Variants in FRMD4A observed in about 807,000 individuals in gnomAD.
FRMD4A encodes the protein FERM domain-containing protein 4A.
FRMD4A carries 29 observed loss-of-function variants against 129.1 expected under a neutral mutation model. The observed-to-expected ratio is 0.22, with a 90% CI of 0.17 to 0.31. FRMD4A has a LOEUF of 0.31. Among genes scored for constraint, FRMD4A ranks in the 10% least tolerant of loss-of-function variants. The pLI is 1.00. For missense variants in FRMD4A, 1,272 were observed against 1,375.8 expected (o/e 0.92, Z 1.19); for synonymous variants, 634 against 571.6 (o/e 1.11, Z -1.56).
At chr10:14,030,434 GGAAAA>G (rs1221707606) in intron 2 of FRMD4A, among the ~76,000 whole-genome samples, 1 of 152,140 alleles carries the variant, frequency 6.6e-6, no homozygotes, top group Non-Finnish European at 1.5e-5. Flanking sequence ...CCATAAAGAT[GGAAAA>G]GAAAACTCTC....
intron 2 of FRMD4A, among the ~76,000 whole-genome samples, chr10:13,974,056 C>G (rs1301195668): frequency 7.8e-6 from 1 of 128,436 alleles, no homozygotes; most frequent in African/African-American, 2.9e-5. Flanking sequence ...GGGACAGAGT[C>G]TTGCTCAGTC....
At chr10:13,671,206 C>A (rs1034643203) in intron 16 of FRMD4A, among the ~76,000 whole-genome samples, 59 of 152,150 alleles carry the variant, frequency 3.9e-4, no homozygotes, top group African/African-American at 1.4e-3. Flanking sequence ...GTAATCCCAG[C>A]ACTTTGGGAA....
At chr10:14,300,974 G>T (rs1341596690) in intron 2 of FRMD4A, among the ~76,000 whole-genome samples, 2 of 152,112 alleles carry the variant, frequency 1.3e-5, no homozygotes, top group African/African-American at 4.8e-5. Context: ...TGGGAGCTTT[G>T]GGCCATGTTG....
Position 13,799,999 on chromosome 10 carries a change from G to A in FRMD4A, c.207-3411C>T, listed in dbSNP as rs111777583. On this transcript the variant is annotated intron_variant, in intron 4 of 24. Coordinates refer to ENST00000357447, the MANE Select transcript of FRMD4A (RefSeq NM_018027.5). ...TCGAGACCAGCCTGACCAACATGGT[G>A]AAACCCCATCTCTACTAAAAAAAAA... Among the ~76,000 whole-genome samples the A allele has an allele frequency of 6.2e-3, 906 of 146,782 alleles. 13 individuals are homozygous for A. Among genetic ancestry groups the A allele is most frequent in the African/African-American group, 0.021 (859 of 40,314 alleles).
At chr10:14,263,672 T>C (rs1190303941) in intron 2 of FRMD4A, among the ~76,000 whole-genome samples, 1 of 152,048 alleles carries the variant, frequency 6.6e-6, no homozygotes, top group Non-Finnish European at 1.5e-5. Flanking sequence ...ATCCCAGAGG[T>C]GGGCCCTCTA....
chr10:14,213,678 A>G (rs1378537391), intron 2 of FRMD4A, among the ~76,000 whole-genome samples: 1 of 152,160 alleles, frequency 6.6e-6, no homozygotes, highest in Non-Finnish European at 1.5e-5. Context: ...GTCTGTATAA[A>G]TCCCACCCTC....
chr10:14,008,480 C>T lies in FRMD4A; in HGVS notation c.46-149568G>A, dbSNP rs946338257. On this transcript the variant is annotated intron_variant, in intron 2 of 24. Transcript: ENST00000357447. ...CCGTGTCCCGCTTGTGGGCAAGTGACGCGTCTGGGGAGAGTGATCCAGAAA... is the reference window on the plus strand; with the variant it reads ...CCGTGTCCCGCTTGTGGGCAAGTGATGCGTCTGGGGAGAGTGATCCAGAAA... The T allele has an allele frequency of 4.0e-6, 4 of 997,500 alleles. No individual in the cohort carries two copies. In the African/African-American group the frequency reaches 6.9e-5, roughly 17 times the overall value. 61.8% of individuals were successfully genotyped at this position (997,500 alleles called of 1,614,324 possible). A position where few individuals can be genotyped will look rare whatever the true frequency, so the allele number is the denominator to read the frequency against.
At chr10:14,109,238 A>C (rs1231313596) in intron 2 of FRMD4A, among the ~76,000 whole-genome samples, 1 of 151,270 alleles carries the variant, frequency 6.6e-6, no homozygotes, top group Non-Finnish European at 1.5e-5. Flanking sequence ...CCTCCAAAGA[A>C]GCTTCTCAGA....
At chr10:13,745,263 C>G (rs1029833334) in intron 9 of FRMD4A, among the ~76,000 whole-genome samples, 1 of 152,164 alleles carries the variant, frequency 6.6e-6, no homozygotes, top group African/African-American at 2.4e-5. Flanking sequence ...AAGTAGCCAA[C>G]CACAGTGAAA....
rs1010258859 is a variant in FRMD4A at position 13,738,957 on chromosome 10, C to T, written c.673-1027G>A. ...TAACAGAGACCTCTTGTCACCTGAG[C>T]GTAAGTTGCAATTCTATATTCAAAT... On this transcript the variant is annotated intron_variant, in intron 11 of 24. Coordinates refer to ENST00000357447, the MANE Select transcript of FRMD4A (RefSeq NM_018027.5). Among the ~76,000 whole-genome samples the T allele has an allele frequency of 8.5e-5, 13 of 152,166 alleles. No homozygotes were observed. In the East Asian group the frequency reaches 1.2e-3, roughly 14 times the overall value.
chr10:14,257,933 C>G (rs946906302), intron 2 of FRMD4A, among the ~76,000 whole-genome samples: 2 of 152,162 alleles, frequency 1.3e-5, no homozygotes, highest in Admixed American at 1.3e-4. Flanking sequence ...CCTTTGAAAA[C>G]TAATACAAGG....
intron 2 of FRMD4A, among the ~76,000 whole-genome samples, chr10:14,068,683 TTCC>T (rs1835174328): frequency 6.6e-6 from 1 of 152,216 alleles, no homozygotes; most frequent in Non-Finnish European, 1.5e-5. Flanking sequence ...GAGTTCAAAG[TTCC>T]CACACATATG....
chr10:13,888,104 T>C (rs1193064445), intron 2 of FRMD4A, among the ~76,000 whole-genome samples: 1 of 152,202 alleles, frequency 6.6e-6, no homozygotes, highest in African/African-American at 2.4e-5. Context: ...ACTCTGGAGA[T>C]GAAATTTTCT....
intron 3 of FRMD4A, among the ~76,000 whole-genome samples, chr10:13,833,973 G>A (rs1048635349): frequency 6.6e-6 from 1 of 151,960 alleles, no homozygotes; most frequent in Admixed American, 6.6e-5. Flanking sequence ...AAAACACCAA[G>A]CAGGCCAGGC....
intron 2 of FRMD4A, among the ~76,000 whole-genome samples, chr10:14,095,140 A>G (rs1468487323): frequency 1.3e-5 from 2 of 152,206 alleles, no homozygotes; most frequent in Non-Finnish European, 2.9e-5. Context: ...AGGGGAAACC[A>G]AGACAAAGAA....
chr10:13,926,849 C>T (rs769308359), intron 2 of FRMD4A, among the ~76,000 whole-genome samples: 8 of 152,236 alleles, frequency 5.3e-5, no homozygotes, highest in Non-Finnish European at 1.2e-4. Context: ...AGGGTCACTT[C>T]TGGAATTTCT....
At chr10:14,224,522 C>T (rs1301805414) in intron 2 of FRMD4A, among the ~76,000 whole-genome samples, 2 of 152,186 alleles carry the variant, frequency 1.3e-5, no homozygotes, top group Non-Finnish European at 2.9e-5. Context: ...AATCTATTTA[C>T]CAGGGAAGCA....
intron 2 of FRMD4A, among the ~76,000 whole-genome samples, chr10:14,264,403 A>C (rs1277399783): frequency 1.3e-5 from 2 of 152,214 alleles, no homozygotes; most frequent in Non-Finnish European, 2.9e-5. Flanking sequence ...ATCATTCTAA[A>C]AACAACAACA....
At chr10:14,007,806 T>C (rs1037507249) in intron 2 of FRMD4A, among the ~76,000 whole-genome samples, 1 of 152,100 alleles carries the variant, frequency 6.6e-6, no homozygotes, top group Non-Finnish European at 1.5e-5. Flanking sequence ...CATCCCAATC[T>C]TTTCCCTCAT....
Sources: gnomAD v4.1 joint callset for allele counts (sites outside exome capture counted in the v4.1 genomes callset) on GRCh38, gnomAD v4.1.1 for gene constraint, MANE v1.5 for transcripts, NCBI Gene and HGNC (gene_info 2026-07-23, HGNC 2026-07-21) for gene names.